The following DOCK9 variants were observed in gnomAD, a reference collection of about 807,000 sequenced individuals.
The protein encoded by DOCK9 is dedicator of cytokinesis protein 9.
In DOCK9, 89 loss-of-function variants were observed where a neutral mutation model predicts 263.3. The observed-to-expected ratio is 0.34, with a 90% CI of 0.28 to 0.40. The LOEUF is 0.40. Ranked by LOEUF, DOCK9 falls within the 10% of genes least tolerant of loss-of-function variation. The pLI is 1.00. For missense variants in DOCK9, 2,140 were observed against 2,603.4 expected (o/e 0.82, Z 3.87); for synonymous variants, 976 against 973.1 (o/e 1.00, Z -0.06).
rs979373517 is a variant in DOCK9, at chr13:98,829,723, C to T, written c.4669G>A (p.Val1557Ile). 5.6e-6 allele frequency: 9 copies of T among 1,609,606 alleles called. No individual in the cohort carries two copies. Among genetic ancestry groups the T allele is most frequent in the African/African-American group, 2.7e-5 (2 of 74,868 alleles). Residue 1557 changes from valine (V) to isoleucine (I), a missense_variant, in exon 42 of 53, where the codon GTT becomes ATT. Physicochemically the swap from Val to Ile is conservative, Grantham distance 29. Coordinates refer to ENST00000682017, the MANE Select transcript of DOCK9 (RefSeq NM_001366683.2). This position sits in a 1 kb window ranked among gnomAD's most constrained non-coding sequence, Gnocchi z 4.1. The stretch of plus-strand genomic sequence containing the variant: ...AATCTGGTTCCCCCAATGCCAACAA[C>T]GTCTGCTATCAGCTGGCTGACAGAT... Reference protein sequence around the residue: ...IISVSQLIADVVGIGGTRFQQ... With the variant: ...IISVSQLIADIVGIGGTRFQQ...
intron 1 of DOCK9, among the ~76,000 whole-genome samples, chr13:98,963,387 A>G (rs953903787): frequency 9.2e-5 from 14 of 152,252 alleles, no homozygotes; most frequent in African/African-American, 3.4e-4. Flanking sequence ...GCAGACCTGC[A>G]CAATGTTCGC....
At chr13:98,818,030 TATAA>T (rs1488063957) in intron 45 of DOCK9, among the ~76,000 whole-genome samples, 3 of 152,212 alleles carry the variant, frequency 2.0e-5, no homozygotes, top group Admixed American at 2.0e-4. Flanking sequence ...CACTTATTAT[TATAA>T]ATAAATGGTA....
At chr13:98,810,147 A>C in intron 46 of DOCK9, 22 bp downstream of exon 46, 3 of 1,613,744 alleles carry the variant, frequency 1.9e-6, no homozygotes, top group South Asian at 1.1e-5. Context: ...AATAGGAAAA[A>C]AACAAAAAGG....
At chr13:98,805,262 A>C (rs1054503557) in intron 48 of DOCK9, 53 bp from the exon 49 acceptor site, 76 of 1,445,624 alleles carry the variant, frequency 5.3e-5, no homozygotes, top group Non-Finnish European at 7.0e-5. Flanking sequence ...GGAATCACTC[A>C]GTTCTTACCT....
chr13:98,992,735 A>G (rs1265775482), intron 1 of DOCK9, among the ~76,000 whole-genome samples: 1 of 152,180 alleles, frequency 6.6e-6, no homozygotes, highest in Non-Finnish European at 1.5e-5. Flanking sequence ...CTGTGAGTCC[A>G]TTAAACCTCT....
chr13:98,826,029 TTC>T (rs2092520997), intron 44 of DOCK9: 3 of 1,155,530 alleles, frequency 2.6e-6, no homozygotes, highest in Non-Finnish European at 3.5e-6. Context: ...TTCAAAATTT[TTC>T]TCTTTGGGGC....
At chr13:98,867,226 T>C in intron 30 of DOCK9, 199 bp downstream of exon 30, 1 of 565,986 alleles carries the variant, frequency 1.8e-6, no homozygotes, top group South Asian at 2.2e-5. Context: ...GCATGATCTG[T>C]AGTCTGATAA....
At chr13:98,797,301 A>G (rs1254287855) in intron 51 of DOCK9, 48 bp from the exon 52 acceptor site, 2 of 1,612,580 alleles carry the variant, frequency 1.2e-6, no homozygotes, top group Admixed American at 1.7e-5. Flanking sequence ...AGGATAAGGC[A>G]TGAGTCCAAC....
At chr13:98,883,448 T>C (rs549186474) in intron 22 of DOCK9, among the ~76,000 whole-genome samples, 2 of 152,292 alleles carry the variant, frequency 1.3e-5, no homozygotes, top group Non-Finnish European at 2.9e-5. Flanking sequence ...GGTTTTGCCA[T>C]GTTGGCCAGG....
At position 98,825,994 on chromosome 13, in the gene DOCK9, C is replaced by A; in HGVS notation, c.5023+836G>T. 1 of 1,382,900 alleles carries A rather than the reference C, an allele frequency of 7.2e-7. No individual in the cohort carries two copies. Among genetic ancestry groups the A allele is most frequent in the Non-Finnish European group, 9.5e-7 (1 of 1,048,862 alleles). 85.7% of individuals were successfully genotyped at this position (1,382,900 alleles called of 1,614,324 possible). On this transcript the variant is annotated intron_variant, in intron 44 of 52. Coordinates refer to ENST00000682017, the MANE Select transcript of DOCK9 (RefSeq NM_001366683.2). The surrounding 1 kb of genome is among the most constrained non-coding windows in gnomAD (Gnocchi z 4.1). ...AAAAGGTCTCAACAGGAAATAGTACCGGTATTAAATGAACATGGAGCCCTT... is the reference window on the plus strand; with the variant it reads ...AAAAGGTCTCAACAGGAAATAGTACAGGTATTAAATGAACATGGAGCCCTT...
chr13:98,982,392 T>C (rs1487008199), upstream of DOCK9, among the ~76,000 whole-genome samples: 3 of 152,190 alleles, frequency 2.0e-5, no homozygotes, highest in Admixed American at 2.0e-4. Flanking sequence ...AAGACCCAGT[T>C]TAAATACCAT....
At chr13:98,954,305 T>C (rs2057777035) in intron 2 of DOCK9, among the ~76,000 whole-genome samples, 1 of 149,916 alleles carries the variant, frequency 6.7e-6, no homozygotes, top group Non-Finnish European at 1.5e-5. Context: ...CAGCATCAGG[T>C]AGAGAAGTGT....
intron 1 of DOCK9, among the ~76,000 whole-genome samples, chr13:99,007,774 AT>A (rs1567200209): frequency 6.6e-6 from 1 of 152,220 alleles, no homozygotes; most frequent in African/African-American, 2.4e-5. Flanking sequence ...AAGTCACTGT[AT>A]TCTGTTCAAC....
chr13:99,051,450 C>A (rs888901462), intron 1 of DOCK9, among the ~76,000 whole-genome samples: 5 of 152,142 alleles, frequency 3.3e-5, no homozygotes, highest in Middle Eastern at 3.2e-3. Flanking sequence ...ATTCTTCTAC[C>A]TTCTCTCTTG....
At chr13:98,910,339 A>T (rs1276138285) in intron 9 of DOCK9, among the ~76,000 whole-genome samples, 7 of 152,236 alleles carry the variant, frequency 4.6e-5, no homozygotes, top group Non-Finnish European at 8.8e-5. Flanking sequence ...CATTTACAAT[A>T]AAAATTGTTT....
intron 39 of DOCK9, among the ~76,000 whole-genome samples, chr13:98,835,079 C>G (rs947594709): frequency 5.3e-5 from 8 of 152,250 alleles, no homozygotes; most frequent in African/African-American, 1.9e-4. Flanking sequence ...ACAGAAGGCA[C>G]TCAATACATA....
In DOCK9 at chr13:98,813,629, T is replaced by A. The variant is rs1297469361; in HGVS notation, c.5131-3338A>T. Among the ~76,000 whole-genome samples, 11 of 152,140 alleles carry A rather than the reference T, an allele frequency of 7.2e-5. No homozygotes were observed. In the South Asian group the frequency reaches 1.2e-3, roughly 17 times the overall value. On this transcript the variant is annotated intron_variant, in intron 45 of 52. Transcript: ENST00000682017. The stretch of plus-strand genomic sequence containing the variant: ...CTAGATTCAATTTACTAATATATAT[T>A]TTTTTAATTTTAATTTTTTTATTTT...
chr13:98,870,308 A>G (rs530381229), intron 27 of DOCK9, among the ~76,000 whole-genome samples: 1 of 152,252 alleles, frequency 6.6e-6, no homozygotes, highest in South Asian at 2.1e-4. Flanking sequence ...AAGGATCAGT[A>G]ACAAAAATGT....
At chr13:98,943,707 G>A (rs2056295236) in intron 2 of DOCK9, among the ~76,000 whole-genome samples, 1 of 151,988 alleles carries the variant, frequency 6.6e-6, no homozygotes, top group African/African-American at 2.4e-5. Context: ...AGGAATGTTG[G>A]CAAATGTAAA....
Sources: gnomAD v4.1 joint callset for allele counts (sites outside exome capture counted in the v4.1 genomes callset) on GRCh38, gnomAD v4.1.1 for gene constraint, Gnocchi (gnomAD v3.1) non-coding constraint, MANE v1.5 for transcripts, NCBI Gene and HGNC (gene_info 2026-07-23, HGNC 2026-07-21) for gene names.